The following KDM2A variants were observed in gnomAD, a reference collection of about 807,000 sequenced individuals.
KDM2A encodes lysine-specific demethylase 2A.
Under a neutral mutation model 137.3 loss-of-function variants are expected in KDM2A, and 3 were observed. The ratio of observed to expected loss-of-function variants is 0.02; its 90% CI spans 0.01 to 0.06. KDM2A has a LOEUF of 0.06. Among genes scored for constraint, KDM2A ranks in the 10% least tolerant of loss-of-function variants. KDM2A has a pLI of 1.00. For missense variants in KDM2A, 738 were observed against 1,510.6 expected (o/e 0.49, Z 8.48); for synonymous variants, 512 against 541.5 (o/e 0.95, Z 0.76).
At chr11:67,232,812 G>C (rs1266973152) in intron 12 of KDM2A, among the ~76,000 whole-genome samples, 1 of 151,796 alleles carries the variant, frequency 6.6e-6, no homozygotes, top group East Asian at 1.9e-4. Context: ...GGTTCAAGCA[G>C]TTCTCGTGCC....
In KDM2A at chr11:67,254,092, C is replaced by T. The variant is rs569737390; in HGVS notation, c.3092-111C>T. The T allele has an allele frequency of 2.2e-6, 2 of 906,670 alleles. No homozygotes were observed. Among genetic ancestry groups the T allele is most frequent in the African/African-American group, 1.7e-5 (1 of 60,108 alleles). 56.2% of individuals were successfully genotyped at this position (906,670 alleles called of 1,614,324 possible). A position where few individuals can be genotyped will look rare whatever the true frequency, so the allele number is the denominator to read the frequency against. Reference sequence around the variant, plus strand: ...GCATGGCTGGGTGTGGGCAGTTCTACTTAACCCCTTCAAGGGGGCCTGGCC... The same window carrying T: ...GCATGGCTGGGTGTGGGCAGTTCTATTTAACCCCTTCAAGGGGGCCTGGCC... On this transcript the variant is annotated intron_variant, in intron 19 of 20. Transcript: ENST00000529006. The surrounding 1 kb of genome is among the most constrained non-coding windows in gnomAD (Gnocchi z 4.7).
At chr11:67,252,998 G>T (rs954734935) in intron 18 of KDM2A, 141 bp downstream of exon 18, 8 of 962,908 alleles carry the variant, frequency 8.3e-6, no homozygotes, top group Non-Finnish European at 1.2e-5. Flanking sequence ...TTAGCAAGAG[G>T]TTTACCCAGG....
chr11:67,222,352 T>G (rs867886031), intron 10 of KDM2A, among the ~76,000 whole-genome samples: 24 of 32,936 alleles, frequency 7.3e-4, no homozygotes, highest in Middle Eastern at 6.0e-3. Context: ...TAACCCTGAG[T>G]GGACACAGCA....
intron 2 of KDM2A, among the ~76,000 whole-genome samples, chr11:67,169,335 A>G (rs1004289735): frequency 5.3e-5 from 8 of 152,000 alleles, no homozygotes; most frequent in Admixed American, 5.2e-4. Flanking sequence ...GTGAGACATG[A>G]AAATCTAATA....
chr11:67,242,981 T>G, intron 12 of KDM2A, 28 bp from the exon 13 acceptor site: 1 of 1,599,842 alleles, frequency 6.3e-7, no homozygotes, highest in Non-Finnish European at 8.6e-7. Context: ...CTGCCCTGAT[T>G]TTTCCTTCTT....
chr11:67,229,023 G>A (rs1053886927), intron 11 of KDM2A, among the ~76,000 whole-genome samples: 3 of 152,030 alleles, frequency 2.0e-5, no homozygotes, highest in Non-Finnish European at 4.4e-5. Flanking sequence ...CTCCTGGCCC[G>A]GTTGTCTAAT....
Position 67,257,345 on chromosome 11 carries a change from G to A in KDM2A, c.*2290G>A, listed in dbSNP as rs1859645992. ...GCAGCAGATGGACCATGCCCTTGCT[G>A]GGTTTTCCTTTTCTTTGGGACTGTG... On this transcript the variant is annotated 3_prime_UTR_variant, in exon 21 of 21. Coordinates refer to ENST00000529006, the MANE Select transcript of KDM2A (RefSeq NM_012308.3). The A allele has an allele frequency of 2.0e-5, 3 of 152,602 alleles. No homozygotes were observed. The highest frequency in any genetic ancestry group is 2.0e-4 in the Admixed American group (3 of 15,276). The allele number at this position is 152,602 out of a possible 1,614,324, so 9.5% of individuals were successfully genotyped here. A position where few individuals can be genotyped will look rare whatever the true frequency, so the allele number is the denominator to read the frequency against.
Position 67,219,310 on chromosome 11 carries a change from T to C in KDM2A, c.864T>C (p.Thr288=), listed in dbSNP as rs780747419. Residue 288 remains threonine, a synonymous_variant, in exon 10 of 21, where the codon ACT becomes ACC. Coordinates refer to ENST00000529006, the MANE Select transcript of KDM2A (RefSeq NM_012308.3). ...IPSGWIHAVY[T]PTDTLVFGGN... is the part of the protein sequence containing the mutation. ...TAGGCTGGATTCATGCTGTGTATAC[T>C]CCTACAGACACATTAGTGTTTGGGG... The C allele has an allele frequency of 6.2e-7, 1 of 1,604,166 alleles. No individual in the cohort carries two copies. The highest frequency in any genetic ancestry group is 8.5e-7 in the Non-Finnish European group (1 of 1,175,028).
At chr11:67,152,342 G>A (rs1009751343) in intron 2 of KDM2A, among the ~76,000 whole-genome samples, 1 of 152,014 alleles carries the variant, frequency 6.6e-6, no homozygotes, top group Non-Finnish European at 1.5e-5. Context: ...TGGGTTGGGT[G>A]CAGTGGCTCA....
intron 6 of KDM2A, among the ~76,000 whole-genome samples, chr11:67,209,121 C>CGG (rs1220812227): frequency 6.6e-6 from 1 of 151,562 alleles, no homozygotes; most frequent in East Asian, 1.9e-4. Context: ...TTGTTAGAGA[C>CGG]GGGGTTTCAT....
At chr11:67,172,925 C>T (rs890745220) in intron 2 of KDM2A, among the ~76,000 whole-genome samples, 1 of 151,834 alleles carries the variant, frequency 6.6e-6, no homozygotes, top group Admixed American at 6.6e-5. Flanking sequence ...AGCAAGACCA[C>T]ATCTCAAAAA....
Position 67,250,608 on chromosome 11 carries a change from G to A in KDM2A, c.2578G>A (p.Glu860Lys), listed in dbSNP as rs1408998781. The change falls in exon 17 of 21, where the codon GAG becomes AAG. Residue 860 changes from glutamate to lysine, a missense_variant. Physicochemically the swap from Glu to Lys is moderately conservative, Grantham distance 56. Coordinates refer to ENST00000529006, the MANE Select transcript of KDM2A (RefSeq NM_012308.3). The surrounding 1 kb of genome is among the most constrained non-coding windows in gnomAD (Gnocchi z 7.1). Reference protein sequence around the residue: ...EEGLGGEEEEEEEEEEEDDSA... With the variant: ...EEGLGGEEEEKEEEEEEDDSA... ...GGGGCTGGGGGGAGAGGAGGAGGAA[G>A]AGGAGGAGGAGGAGGAGGAAGATGA... 6.5e-7 allele frequency: 1 copy of A among 1,549,042 alleles called. No individual in the cohort carries two copies.
chr11:67,213,952 T>C (rs78126391), intron 6 of KDM2A, among the ~76,000 whole-genome samples: 4,180 of 152,098 alleles, frequency 0.027, 73 homozygotes, highest in Non-Finnish European at 0.039. Flanking sequence ...AGCCTCAACC[T>C]CCTGGGTTTA....
Position 67,254,136 on chromosome 11 carries a change from C to T in KDM2A, c.3092-67C>T. 6.9e-7 allele frequency: 1 copy of T among 1,441,712 alleles called. No individual in the cohort carries two copies. The highest frequency in any genetic ancestry group is 1.3e-5 in the South Asian group (1 of 77,950). The allele number at this position is 1,441,712 out of a possible 1,614,324, so 89.3% of individuals were successfully genotyped here. On this transcript the variant is annotated intron_variant, in intron 19 of 20. Coordinates refer to ENST00000529006, the MANE Select transcript of KDM2A (RefSeq NM_012308.3). This position sits in a 1 kb window ranked among gnomAD's most constrained non-coding sequence, Gnocchi z 4.7. Reference sequence around the variant, plus strand: ...CCTGGCCAGCAAGTAGCTGTTGCTGCCTGGAGCCTTGAAGCTGGATTAGAG... The same window carrying T: ...CCTGGCCAGCAAGTAGCTGTTGCTGTCTGGAGCCTTGAAGCTGGATTAGAG...
At chr11:67,193,531 T>C (rs1857406051) in intron 5 of KDM2A, among the ~76,000 whole-genome samples, 1 of 152,202 alleles carries the variant, frequency 6.6e-6, no homozygotes, top group South Asian at 2.1e-4. Flanking sequence ...GTCACAGCCA[T>C]GTTGTTGGAG....
At chr11:67,233,651 TCAA>T (rs148508658) in intron 12 of KDM2A, among the ~76,000 whole-genome samples, 88,220 of 123,730 alleles carry the variant, frequency 0.71, 36,751 homozygotes, top group South Asian at 0.93. Context: ...AAACCCTGTC[TCAA>T]CAACAACAAC....
At chr11:67,203,019 G>T (rs200660138) in intron 5 of KDM2A, among the ~76,000 whole-genome samples, 30 of 144,832 alleles carry the variant, frequency 2.1e-4, no homozygotes, top group Non-Finnish European at 4.1e-4. Context: ...AAAAAAAAAA[G>T]AAAAACGGTT....
intron 5 of KDM2A, chr11:67,196,168 A>T: frequency 2.3e-6 from 1 of 431,808 alleles, no homozygotes; most frequent in South Asian, 1.7e-5. Context: ...GACATAATCC[A>T]CTACAGTGAA....
intron 2 of KDM2A, among the ~76,000 whole-genome samples, chr11:67,126,358 T>G (rs1004352919): frequency 6.6e-6 from 1 of 152,066 alleles, no homozygotes; most frequent in Non-Finnish European, 1.5e-5. Context: ...GAGGATCACT[T>G]GAGCCCAGGA....
Sources: allele counts gnomAD v4.1 joint callset (sites outside exome capture counted in the v4.1 genomes callset), GRCh38; gene constraint gnomAD v4.1.1; non-coding constraint Gnocchi (gnomAD v3.1); transcripts MANE v1.5; gene names NCBI Gene and HGNC (gene_info 2026-07-23, HGNC 2026-07-21).